ALMS1: variants seen among roughly 807,000 people sequenced by gnomAD.
The protein encoded by ALMS1 is centrosome-associated protein ALMS1.
Under a neutral mutation model 352.2 loss-of-function variants are expected in ALMS1, and 271 were observed. That is an observed-to-expected ratio of 0.77 (90% confidence interval 0.70 to 0.85). ALMS1 has a LOEUF of 0.85. Among genes scored for constraint, ALMS1 ranks in the 40% least tolerant of loss-of-function variants. ALMS1 has a pLI of 0.00. For synonymous variants in ALMS1, 1,865 were observed against 1,761.2 expected (o/e 1.06, Z -1.48); for missense variants, 5,445 against 4,870.7 (o/e 1.12, Z -3.51).
chr2:73,602,461 C>CAGTT (rs1358469369), intron 20 of ALMS1, 93 bp downstream of exon 20: 1 of 1,458,192 alleles, frequency 6.9e-7, no homozygotes, highest in East Asian at 2.3e-5. Flanking sequence ...CAGCCCAGGC[C>CAGTT]AGTTACCTGG....
intron 16 of ALMS1, among the ~76,000 whole-genome samples, chr2:73,598,835 C>T (rs1479939408): frequency 6.6e-6 from 1 of 152,200 alleles, no homozygotes; most frequent in Non-Finnish European, 1.5e-5. Flanking sequence ...CCACCATCAG[C>T]TGCAATCCCT....
chr2:73,546,203 AC>A (rs1446316518), intron 12 of ALMS1, among the ~76,000 whole-genome samples: 1 of 152,174 alleles, frequency 6.6e-6, no homozygotes, highest in African/African-American at 2.4e-5. Flanking sequence ...ATGTATCTCT[AC>A]TTTAGTGAAA....
intron 9 of ALMS1, among the ~76,000 whole-genome samples, chr2:73,482,691 G>A (rs1396016510): frequency 1.3e-5 from 2 of 152,112 alleles, no homozygotes; most frequent in Non-Finnish European, 2.9e-5. Context: ...GAATTCGGCT[G>A]TTAATCCATC....
In ALMS1 at chr2:73,424,502, G is replaced by A. The variant is rs766179893; in HGVS notation, c.837G>A (p.Gln279=). 4 of 1,607,870 alleles carry A rather than the reference G, an allele frequency of 2.5e-6. No homozygotes were observed. In the Admixed American group the frequency reaches 6.8e-5, roughly 27 times the overall value. ...RPSEVSEALF[Q]ATAEVASDLA... ...CGGAAGTTAGTGAAGCTTTATTCCA[G>A]GCTACTGCAGAAGTAGCTTCAGACT... is the stretch of plus-strand genomic sequence containing the variant. Residue 279 remains glutamine, a synonymous_variant, in exon 5 of 23, where the codon CAG becomes CAA. Coordinates refer to ENST00000613296, the MANE Select transcript of ALMS1 (RefSeq NM_001378454.1).
chr2:73,431,308 T>C (rs573481102), intron 6 of ALMS1, among the ~76,000 whole-genome samples: 4 of 152,320 alleles, frequency 2.6e-5, no homozygotes, highest in Admixed American at 2.0e-4. Flanking sequence ...ACACTTCACA[T>C]GGCTTCCTAA....
At chr2:73,460,298 G>C (rs1212052820) in intron 9 of ALMS1, among the ~76,000 whole-genome samples, 1 of 152,048 alleles carries the variant, frequency 6.6e-6, no homozygotes, top group Non-Finnish European at 1.5e-5. Flanking sequence ...TTTCAACAAT[G>C]AATGGTGATA....
intron 16 of ALMS1, among the ~76,000 whole-genome samples, chr2:73,598,020 T>A (rs939822814): frequency 6.6e-6 from 1 of 152,230 alleles, no homozygotes; most frequent in Admixed American, 6.5e-5. Flanking sequence ...ACCCAGTGAT[T>A]GCACACAGTA....
rs748193431 is a variant in ALMS1, at chr2:73,602,167, C to CT, written c.12115-8dup. The CT allele has an allele frequency of 2.4e-3, 3,346 of 1,403,616 alleles. No individual in the cohort carries two copies. The highest frequency in any genetic ancestry group is 2.6e-3 in the Non-Finnish European group (2,674 of 1,015,426). The allele number at this position is 1,403,616 out of a possible 1,614,324, so 86.9% of individuals were successfully genotyped here. ...ATTAATCTGAGGCTGGGCATTTTCT[C>CT]TTTTTTTTTTCTTTTAGGAATCGCT... On this transcript the variant is annotated splice_polypyrimidine_tract_variant and intron_variant, in intron 19 of 22. Transcript: ENST00000613296.
At position 73,448,445 on chromosome 2, in the gene ALMS1, A is replaced by G; in HGVS notation, c.1918A>G (p.Asn640Asp). ...TTACCAACAAGAGTTACCAGAGAGT[A>G]ACTTAACCGAAGAGCCTTTGGAAGT... ...TFYQQELPES[N>D]LTEEPLEVSA... Residue 640 changes from asparagine to aspartate, a missense_variant, in exon 8 of 23, where the codon AAC (asparagine) becomes GAC (aspartate). By Grantham distance (23) the Asn-to-Asp change is conservative. Transcript: ENST00000613296. The G allele has an allele frequency of 6.2e-7, 1 of 1,612,270 alleles. No individual in the cohort carries two copies. The highest frequency in any genetic ancestry group is 8.5e-7 in the Non-Finnish European group (1 of 1,179,440).
intron 9 of ALMS1, among the ~76,000 whole-genome samples, chr2:73,485,990 A>G (rs1672834206): frequency 6.6e-6 from 1 of 152,010 alleles, no homozygotes; most frequent in African/African-American, 2.4e-5. Context: ...CCCTAGTTAG[A>G]TGAACCCAGT....
chr2:73,594,970 A>G (rs1295089605), intron 16 of ALMS1, among the ~76,000 whole-genome samples: 1 of 152,202 alleles, frequency 6.6e-6, no homozygotes, highest in Non-Finnish European at 1.5e-5. Context: ...AACACAACTT[A>G]CCACCTTCCA....
At chr2:73,543,379 A>T (rs574461717) in intron 12 of ALMS1, among the ~76,000 whole-genome samples, 3 of 152,230 alleles carry the variant, frequency 2.0e-5, no homozygotes, top group Non-Finnish European at 1.5e-5. Flanking sequence ...GATGGATTAA[A>T]GACTTACATG....
chr2:73,477,332 C>A (rs1349145336), intron 9 of ALMS1, among the ~76,000 whole-genome samples: 1 of 152,030 alleles, frequency 6.6e-6, no homozygotes, highest in East Asian at 1.9e-4. Context: ...CGGTTCTATG[C>A]CATTGATCTA....
intron 1 of ALMS1, among the ~76,000 whole-genome samples, chr2:73,406,038 A>G (rs577122910): frequency 3.9e-5 from 6 of 152,214 alleles, no homozygotes; most frequent in Admixed American, 6.5e-5. Context: ...GTTAGGTCCA[A>G]TTGGTCTGTA....
At chr2:73,574,087 A>C (rs549739834) in intron 16 of ALMS1, among the ~76,000 whole-genome samples, 14 of 152,296 alleles carry the variant, frequency 9.2e-5, no homozygotes, top group African/African-American at 3.4e-4. Flanking sequence ...AATAACATTC[A>C]CTTTTTAATA....
intron 2 of ALMS1, among the ~76,000 whole-genome samples, chr2:73,409,064 ATGGAGTCTCGCTT>A (rs1229526140): frequency 6.6e-6 from 1 of 151,544 alleles, no homozygotes; most frequent in Non-Finnish European, 1.5e-5. Context: ...TTTTTTATAG[ATGGAGTCTCGCTT>A]TGTTGCCCAG....
intron 9 of ALMS1, among the ~76,000 whole-genome samples, chr2:73,480,793 T>C (rs1322849721): frequency 6.6e-6 from 1 of 151,354 alleles, no homozygotes; most frequent in East Asian, 1.9e-4. Flanking sequence ...TGGTATCTCA[T>C]TGTGGTTTTG....
rs531205291 is a variant in ALMS1, at chr2:73,503,369, A to G, written c.9539+11871A>G. Among the ~76,000 whole-genome samples the G allele has an allele frequency of 1.6e-4, 25 of 151,662 alleles. No individual in the cohort carries two copies. The South Asian group carries it at 2.7e-3, about 16-fold the overall frequency. The stretch of plus-strand genomic sequence containing the variant: ...CAGTGTTTGGTTTTTTGTTCTTGCT[A>G]TAGTTTACTGAGAATGATGATTTCC... On this transcript the variant is annotated intron_variant, in intron 10 of 22. Transcript: ENST00000613296.
chr2:73,566,137 C>G (rs1049129541), intron 15 of ALMS1, among the ~76,000 whole-genome samples: 2 of 152,108 alleles, frequency 1.3e-5, no homozygotes, highest in Non-Finnish European at 2.9e-5. Flanking sequence ...TCTGTAAATC[C>G]AAATTATTCT....
Sources: gnomAD v4.1 joint callset for allele counts (sites outside exome capture counted in the v4.1 genomes callset) on GRCh38, gnomAD v4.1.1 for gene constraint, MANE v1.5 for transcripts, NCBI Gene and HGNC (gene_info 2026-07-23, HGNC 2026-07-21) for gene names.